GOLGA8B: variants seen among roughly 807,000 people sequenced by gnomAD.
GOLGA8B encodes golgin subfamily A member 8B.
GOLGA8B carries 1 observed loss-of-function variant against 15.6 expected under a neutral mutation model. The observed-to-expected ratio is 0.06, with a 90% CI of 0.02 to 0.30. GOLGA8B has a LOEUF of 0.30. GOLGA8B is among the 10% of genes least tolerant of loss of function. The pLI is 1.00. For missense variants in GOLGA8B, 17 were observed against 201.3 expected (o/e 0.08, Z 5.54); for synonymous variants, 9 against 80.3 (o/e 0.11, Z 4.75).
chr15:34,573,115 A>T (rs564710451), intron 1 of GOLGA8B, among the ~76,000 whole-genome samples: 10 of 152,358 alleles, frequency 6.6e-5, no homozygotes, highest in African/African-American at 2.2e-4. Flanking sequence ...TACAGATGGC[A>T]GATCTATTTA....
Position 34,528,724 on chromosome 15 carries a change from C to T in GOLGA8B, c.1134G>A (p.Gln378=). 1.8e-4 allele frequency: 1 copy of T among 5,604 alleles called. No homozygotes were observed. Among genetic ancestry groups the T allele is most frequent in the South Asian group, 1.4e-3 (1 of 730 alleles). The allele number at this position is 5,604 out of a possible 1,614,324, so 0.3% of individuals were successfully genotyped here. Residue 378 remains glutamine (Q), a synonymous_variant, in exon 20 of 24, where the codon CAG becomes CAA. Transcript: ENST00000683415. ...GCAGCTCCTTTACTTGCTGCTCCAA[C>T]TGCAGTGCGCTCTTGTTCTCGTGCT... ...ELKHENKSAL[Q]LEQQVKELQE... is the part of the protein sequence containing the mutation.
intron 1 of GOLGA8B, among the ~76,000 whole-genome samples, chr15:34,573,658 T>C (rs887256528): frequency 2.7e-4 from 41 of 152,160 alleles, no homozygotes; most frequent in African/African-American, 9.4e-4. Flanking sequence ...TTGTGGGGAA[T>C]TGATGTAGAT....
intron 1 of GOLGA8B, among the ~76,000 whole-genome samples, chr15:34,575,266 C>T (rs1454664454): frequency 6.6e-6 from 1 of 151,774 alleles, no homozygotes; most frequent in Non-Finnish European, 1.5e-5. Flanking sequence ...CGCCACCCTC[C>T]TGCGTCCTCA....
At chr15:34,564,355 TAAAAAAAAAAA>T (rs58970262) in intron 1 of GOLGA8B, among the ~76,000 whole-genome samples, 1 of 105,472 alleles carries the variant, frequency 9.5e-6, no homozygotes, top group African/African-American at 3.4e-5. Context: ...TGTAGATTCT[TAAAAAAAAAAA>T]AAAAAAAAAA....
At chr15:34,572,478 G>C (rs796797112) in intron 1 of GOLGA8B, among the ~76,000 whole-genome samples, 79 of 152,362 alleles carry the variant, frequency 5.2e-4, no homozygotes, top group African/African-American at 1.9e-3. Flanking sequence ...CAAAGGACAA[G>C]GGAGCATCTC....
chr15:34,562,515 T>C lies in GOLGA8B; in HGVS notation c.-1122-8559A>G, dbSNP rs1888648369. Among the ~76,000 whole-genome samples the C allele has an allele frequency of 4.1e-5, 5 of 120,652 alleles. No individual in the cohort carries two copies. In the South Asian group the frequency reaches 1.3e-3, roughly 32 times the overall value. The allele number at this position is 120,652 out of a possible 152,430, so 79.2% of individuals were successfully genotyped here. A position where few individuals can be genotyped will look rare whatever the true frequency, so the allele number is the denominator to read the frequency against. On this transcript the variant is annotated intron_variant, in intron 1 of 23. Transcript: ENST00000683415. Reference sequence around the variant, plus strand: ...TATTTTATGTTTTGTTTTATAGATGTAATATATTCACAAGTGTCTTTAAGG... The same window carrying C: ...TATTTTATGTTTTGTTTTATAGATGCAATATATTCACAAGTGTCTTTAAGG...
At chr15:34,577,560 A>ACACACT (rs1491292911) in intron 1 of GOLGA8B, among the ~76,000 whole-genome samples, 4 of 141,926 alleles carry the variant, frequency 2.8e-5, no homozygotes, top group Admixed American at 7.0e-5. Context: ...ACACACACAC[A>ACACACT]GATGCGTCAC....
At chr15:34,582,609 T>C (rs918349682) in intron 1 of GOLGA8B, 3 of 152,258 alleles carry the variant, frequency 2.0e-5, no homozygotes, top group Admixed American at 1.3e-4. Flanking sequence ...CTTCTGCCAA[T>C]AAATACTAAG....
At chr15:34,548,324 CAA>C (rs1888333625) in intron 4 of GOLGA8B, among the ~76,000 whole-genome samples, 1 of 151,010 alleles carries the variant, frequency 6.6e-6, no homozygotes, top group African/African-American at 2.4e-5. Flanking sequence ...ACAGTTCAAA[CAA>C]AAAGATATTT....
chr15:34,558,256 T>TG (rs1255732493), intron 1 of GOLGA8B, among the ~76,000 whole-genome samples: 2 of 43,694 alleles, frequency 4.6e-5, no homozygotes, highest in African/African-American at 1.5e-4. Context: ...CTGGGTTTTT[T>TG]TTTTTTTTTT....
chr15:34,543,394 A>G (rs1471805887), intron 7 of GOLGA8B, among the ~76,000 whole-genome samples: 2 of 144,456 alleles, frequency 1.4e-5, no homozygotes, highest in Admixed American at 1.4e-4. Context: ...TTTTGGAGAA[A>G]CGAGTTCTCA....
At chr15:34,571,084 G>A (rs1888900788) in intron 1 of GOLGA8B, among the ~76,000 whole-genome samples, 2 of 148,724 alleles carry the variant, frequency 1.3e-5, no homozygotes, top group South Asian at 2.2e-4. Context: ...CCAGAACTTT[G>A]GGAGGCCAAG....
chr15:34,578,342 A>G (rs1290632469), intron 1 of GOLGA8B, among the ~76,000 whole-genome samples: 1 of 152,216 alleles, frequency 6.6e-6, no homozygotes, highest in Non-Finnish European at 1.5e-5. Context: ...TGGCATTTCC[A>G]TAACTCTCCG....
At chr15:34,575,555 C>T (rs1346165954) in intron 1 of GOLGA8B, among the ~76,000 whole-genome samples, 2 of 151,926 alleles carry the variant, frequency 1.3e-5, no homozygotes, top group African/African-American at 4.8e-5. Flanking sequence ...ACCCCCATCT[C>T]CAGCTCTGAC....
At chr15:34,573,021 A>G (rs74859454) in intron 1 of GOLGA8B, among the ~76,000 whole-genome samples, 9,937 of 147,706 alleles carry the variant, frequency 0.067, no homozygotes, top group South Asian at 0.17. Context: ...AGACCGAGGC[A>G]GGAGGATTGC....
chr15:34,561,047 C>G (rs1380548170), intron 1 of GOLGA8B, among the ~76,000 whole-genome samples: 4 of 146,574 alleles, frequency 2.7e-5, no homozygotes, highest in African/African-American at 1.0e-4. Context: ...CAGAGTGGCA[C>G]CTGGTATGTG....
chr15:34,550,868 G>A (rs1888372225), intron 4 of GOLGA8B, among the ~76,000 whole-genome samples: 1 of 139,196 alleles, frequency 7.2e-6, no homozygotes, highest in Non-Finnish European at 1.5e-5. Flanking sequence ...GGTGGCTCAT[G>A]CCCATAGTCC....
chr15:34,573,578 C>A (rs1437187235), intron 1 of GOLGA8B, among the ~76,000 whole-genome samples: 1 of 151,048 alleles, frequency 6.6e-6, no homozygotes, highest in Non-Finnish European at 1.5e-5. Flanking sequence ...CCAGAAGTTC[C>A]CAAGGAATTT....
chr15:34,549,129 A>C (rs1888347950), intron 4 of GOLGA8B, among the ~76,000 whole-genome samples: 1 of 56,572 alleles, frequency 1.8e-5, no homozygotes, highest in Non-Finnish European at 3.8e-5. Flanking sequence ...AAATCAAGCA[A>C]GAGTTCACTC....
Sources: gnomAD v4.1 joint callset for allele counts (sites outside exome capture counted in the v4.1 genomes callset) on GRCh38, gnomAD v4.1.1 for gene constraint, MANE v1.5 for transcripts, NCBI Gene and HGNC (gene_info 2026-07-23, HGNC 2026-07-21) for gene names.